Variants in EIF3CL observed in about 807,000 individuals in gnomAD.
The protein encoded by EIF3CL is eukaryotic translation initiation factor 3 subunit C like.
For missense variants in EIF3CL, 5 were observed against 56.1 expected, an observed-to-expected ratio of 0.09 and a Z score of 2.91; for synonymous variants, 2 against 19.6, an observed-to-expected ratio of 0.10 and a Z score of 2.37.
chr16:28,418,428 G>C, the EIF3CL span, among the ~76,000 whole-genome samples: 10 of 126,300 alleles, frequency 7.9e-5, no homozygotes, highest in Admixed American at 8.8e-5. Flanking sequence ...GGGATTACAG[G>C]TGTAAGCCAC....
At chr16:28,419,008 T>A in the EIF3CL span, among the ~76,000 whole-genome samples, 286 of 146,160 alleles carry the variant, frequency 2.0e-3, no homozygotes, top group East Asian at 0.035. Flanking sequence ...ACTGTCTTTT[T>A]AAAATTTTTT....
the EIF3CL span, among the ~76,000 whole-genome samples, chr16:28,411,038 T>TTTTG: frequency 2.0e-5 from 3 of 148,826 alleles, no homozygotes; most frequent in South Asian, 2.2e-4. Flanking sequence ...GGACATTCTT[T>TTTTG]TTTGTTTGTT....
chr16:28,422,803 C>A, the EIF3CL span, among the ~76,000 whole-genome samples: 3 of 123,274 alleles, frequency 2.4e-5, no homozygotes, highest in Middle Eastern at 3.5e-3. Flanking sequence ...CACCACTGCA[C>A]TCCAGCCTGG....
chr16:28,416,660 G>C, the EIF3CL span, among the ~76,000 whole-genome samples: 6 of 89,646 alleles, frequency 6.7e-5, no homozygotes, highest in South Asian at 3.1e-4. Flanking sequence ...CAGCCGCCCC[G>C]TCTGAGAAGT....
the EIF3CL span, among the ~76,000 whole-genome samples, chr16:28,419,158 C>CA: frequency 6.7e-6 from 1 of 149,522 alleles, no homozygotes; most frequent in Non-Finnish European, 1.5e-5. Context: ...AGGTGCCCGC[C>CA]ATCACGCCTG....
At chr16:28,417,125 C>T in the EIF3CL span, among the ~76,000 whole-genome samples, 8 of 133,092 alleles carry the variant, frequency 6.0e-5, no homozygotes, top group African/African-American at 1.7e-4. Flanking sequence ...GCCAGCCGCC[C>T]GGTCCGGGAG....
intron 15 of EIF3CL, among the ~76,000 whole-genome samples, chr16:28,386,807 C>A (rs1290660514): frequency 4.3e-5 from 3 of 70,168 alleles, no homozygotes; most frequent in Admixed American, 3.6e-4. Context: ...ACACACACAC[C>A]CCCTAAAAGA....
chr16:28,416,739 C>A, the EIF3CL span, among the ~76,000 whole-genome samples: 3,100 of 116,758 alleles, frequency 0.027, 117 homozygotes, highest in African/African-American at 0.091. Flanking sequence ...GCAGCCACCC[C>A]GTCCGGGAGG....
chr16:28,417,273 G>T, the EIF3CL span, among the ~76,000 whole-genome samples: 1 of 149,350 alleles, frequency 6.7e-6, no homozygotes, highest in African/African-American at 2.5e-5. Flanking sequence ...CTACTGGGAA[G>T]TGAGGAGCCC....
At chr16:28,414,374 C>T in the EIF3CL span, 312 of 306,620 alleles carry the variant, frequency 1.0e-3, 10 homozygotes, top group Non-Finnish European at 1.6e-3. Flanking sequence ...CCAGCCTGGG[C>T]GACAGAGCAA....
At chr16:28,414,426 G>A in the EIF3CL span, 1 of 322,338 alleles carries the variant, frequency 3.1e-6, no homozygotes, top group African/African-American at 2.4e-5. Flanking sequence ...GCTTTAGCAG[G>A]AGCATGGTGA....
the EIF3CL span, among the ~76,000 whole-genome samples, chr16:28,415,816 TCCTCTC>T: frequency 0.14 from 9,919 of 69,040 alleles, 919 homozygotes; most frequent in Non-Finnish European, 0.19. Flanking sequence ...CTCTCCCTCT[TCCTCTC>T]CCTCTCCCTC....
the EIF3CL span, among the ~76,000 whole-genome samples, chr16:28,416,799 G>C: frequency 1.1e-5 from 1 of 93,300 alleles, no homozygotes; most frequent in Non-Finnish European, 2.4e-5. Flanking sequence ...CCGTCCGGGA[G>C]GTGAGGGGCG....
Position 28,391,729 on chromosome 16 carries a change from C to CTG in EIF3CL, c.1043+21_1043+22dup, listed in dbSNP as rs535389599. 80 of 869,898 alleles carry CTG rather than the reference C, an allele frequency of 9.2e-5. 2 individuals are homozygous for CTG. In the African/African-American group the frequency reaches 1.6e-3, roughly 18 times the overall value. 53.9% of individuals were successfully genotyped at this position (869,898 alleles called of 1,614,324 possible). ...CACCCTCTGCCACCCTGCAATCCCACTGCCCAGGCCCACGAATCTTACCGA... is the reference window on the plus strand; with the variant it reads ...CACCCTCTGCCACCCTGCAATCCCACTGTGCCCAGGCCCACGAATCTTACCGA... On this transcript the variant is annotated intron_variant, in intron 10 of 20. Coordinates refer to ENST00000380876, the MANE Select transcript of EIF3CL (RefSeq NM_001317857.2).
intron 2 of EIF3CL, among the ~76,000 whole-genome samples, chr16:28,403,152 G>A (rs2045667509): frequency 7.3e-6 from 1 of 136,978 alleles, no homozygotes; most frequent in African/African-American, 2.6e-5. Flanking sequence ...GGGGCTCCCA[G>A]ATACCAATCA....
chr16:28,417,164 G>A, the EIF3CL span, among the ~76,000 whole-genome samples: 25 of 142,016 alleles, frequency 1.8e-4, no homozygotes, highest in Non-Finnish European at 3.6e-4. Context: ...CCCCCGCCCG[G>A]CCAGCCGCCC....
chr16:28,414,690 T>C, the EIF3CL span: 442 of 354,398 alleles, frequency 1.2e-3, 37 homozygotes, highest in African/African-American at 6.2e-3. Context: ...GGAGCCTGTG[T>C]GGGGCTGCGC....
chr16:28,417,886 A>T, the EIF3CL span, among the ~76,000 whole-genome samples: 1 of 147,762 alleles, frequency 6.8e-6, no homozygotes, highest in Non-Finnish European at 1.5e-5. Context: ...AAAAAAAAAA[A>T]AAAAAAATTA....
At chr16:28,417,897 G>A in the EIF3CL span, among the ~76,000 whole-genome samples, 20 of 113,588 alleles carry the variant, frequency 1.8e-4, no homozygotes, top group South Asian at 5.3e-4. Context: ...AAAAAAATTA[G>A]CCAGGCGTGG....
Sources: gnomAD v4.1 joint callset for allele counts (sites outside exome capture counted in the v4.1 genomes callset) on GRCh38, gnomAD v4.1.1 for gene constraint, MANE v1.5 for transcripts, NCBI Gene and HGNC (gene_info 2026-07-23, HGNC 2026-07-21) for gene names.